Variants in CELF2 observed in about 807,000 individuals in gnomAD.
CELF2 encodes the protein CUG triplet repeat RNA-binding protein 2.
Under a neutral mutation model 62.6 loss-of-function variants are expected in CELF2, and 8 were observed. The ratio of observed to expected loss-of-function variants is 0.13; its 90% confidence interval spans 0.07 to 0.23. The LOEUF is 0.23. Among genes scored for constraint, CELF2 ranks in the 10% least tolerant of loss-of-function variants. The probability of loss-of-function intolerance (pLI) is 1.00; values close to 1 mark genes in which losing one functional copy is unlikely to be tolerated. For synonymous variants in CELF2, 258 were observed against 250.0 expected (o/e 1.03, Z -0.30); for missense variants, 333 against 671.0 (o/e 0.50, Z 5.56).
rs2093330384 is a variant in CELF2 at position 11,297,635 on chromosome 10, C to T, written c.976+9083C>T. 2.0e-5 allele frequency among the ~76,000 whole-genome samples: 3 copies of T among 152,118 alleles called. No individual in the cohort carries two copies. The highest frequency in any genetic ancestry group is 7.2e-5 in the African/African-American group (3 of 41,400). On this transcript the variant is annotated intron_variant, in intron 9 of 12. Transcript: ENST00000633077. This position sits in a 1 kb window ranked among gnomAD's most constrained non-coding sequence, Gnocchi z 4.4. ...GTTTTGCAGGCAGTGAGAGAGGACA[C>T]AATTCTATATGACATGTTCATGAAA...
At chr10:10,808,231 A>T (rs184835565) in intron 1 of CELF2, among the ~76,000 whole-genome samples, 9 of 152,342 alleles carry the variant, frequency 5.9e-5, no homozygotes, top group Admixed American at 2.6e-4. Flanking sequence ...CAGCATTGAG[A>T]TAGATCCTGG....
the CELF2 span, among the ~76,000 whole-genome samples, chr10:10,790,259 C>T: frequency 3.3e-5 from 5 of 151,908 alleles, no homozygotes; most frequent in South Asian, 4.1e-4. Flanking sequence ...TTTATATTCC[C>T]GTTATGTATT....
At chr10:10,612,404 C>T in the CELF2 span, among the ~76,000 whole-genome samples, 1 of 152,136 alleles carries the variant, frequency 6.6e-6, no homozygotes, top group Non-Finnish European at 1.5e-5. Context: ...TAACTGTGAG[C>T]TTAAGCATCC....
the CELF2 span, among the ~76,000 whole-genome samples, chr10:10,594,511 G>A: frequency 8.5e-5 from 13 of 152,152 alleles, no homozygotes; most frequent in African/African-American, 3.1e-4. Context: ...CAGAAGCAGA[G>A]AAAACTAAAA....
chr10:11,155,621 G>C (rs992225994), intron 1 of CELF2, among the ~76,000 whole-genome samples: 5 of 152,130 alleles, frequency 3.3e-5, no homozygotes, highest in African/African-American at 1.2e-4. Context: ...GAGTTTGAAG[G>C]CATTTTTGGG....
chr10:11,090,190 A>G (rs2047941860), intron 1 of CELF2, among the ~76,000 whole-genome samples: 1 of 142,518 alleles, frequency 7.0e-6, no homozygotes, highest in South Asian at 2.2e-4. Flanking sequence ...AATTTGGGGA[A>G]AAAAAAAAAA....
At chr10:11,030,579 T>A (rs1564441456) in intron 1 of CELF2, 2 of 152,256 alleles carry the variant, frequency 1.3e-5, no homozygotes, top group Non-Finnish European at 2.9e-5. Context: ...AGGTTGCAGC[T>A]CTGTTTCTCA....
intron 1 of CELF2, among the ~76,000 whole-genome samples, chr10:10,902,966 A>C (rs2063052974): frequency 6.6e-6 from 1 of 151,316 alleles, no homozygotes; most frequent in Admixed American, 6.6e-5. Context: ...AGGGAAGATA[A>C]GGAGAAGAAG....
At chr10:11,129,355 T>C (rs1372264379) in intron 1 of CELF2, among the ~76,000 whole-genome samples, 1 of 152,224 alleles carries the variant, frequency 6.6e-6, no homozygotes, top group Non-Finnish European at 1.5e-5. Context: ...TTGTTGTGTC[T>C]CTGCCAGGCT....
chr10:11,263,557 A>G (rs2081335414), intron 5 of CELF2, among the ~76,000 whole-genome samples: 1 of 152,226 alleles, frequency 6.6e-6, no homozygotes, highest in South Asian at 2.1e-4. Flanking sequence ...GGATCAGAGC[A>G]GTTGTCCTGT....
chr10:11,218,986 A>G (rs567477523), intron 3 of CELF2, among the ~76,000 whole-genome samples: 23 of 152,188 alleles, frequency 1.5e-4, no homozygotes, highest in Non-Finnish European at 2.8e-4. Context: ...CCCAAAGACC[A>G]CTTTGTATTT....
chr10:11,221,106 C>A (rs771995784), intron 3 of CELF2, among the ~76,000 whole-genome samples: 2 of 152,220 alleles, frequency 1.3e-5, no homozygotes, highest in Non-Finnish European at 2.9e-5. Context: ...GTGAGTGTAT[C>A]TGCACAGGCT....
chr10:10,790,487 G>T, the CELF2 span, among the ~76,000 whole-genome samples: 1 of 151,978 alleles, frequency 6.6e-6, no homozygotes, highest in Non-Finnish European at 1.5e-5. Flanking sequence ...TTCTGATAGA[G>T]TATAATACAT....
the CELF2 span, among the ~76,000 whole-genome samples, chr10:10,636,968 T>C: frequency 5.3e-5 from 8 of 152,210 alleles, 1 homozygote; most frequent in South Asian, 1.4e-3. Flanking sequence ...AACACATAAA[T>C]AAGACCAGCA....
intron 1 of CELF2, among the ~76,000 whole-genome samples, chr10:10,833,483 A>C (rs2058041131): frequency 6.6e-6 from 1 of 152,208 alleles, no homozygotes; most frequent in Non-Finnish European, 1.5e-5. Context: ...CTTGCTGTAA[A>C]TCAGTTAGAA....
chr10:10,631,372 C>G, the CELF2 span, among the ~76,000 whole-genome samples: 1 of 152,176 alleles, frequency 6.6e-6, no homozygotes, highest in Non-Finnish European at 1.5e-5. Flanking sequence ...GGGCTTGGAA[C>G]TAACCTTCCG....
At chr10:10,862,280 G>T (rs1299389431) in intron 1 of CELF2, among the ~76,000 whole-genome samples, 1 of 152,134 alleles carries the variant, frequency 6.6e-6, no homozygotes, top group Non-Finnish European at 1.5e-5. Flanking sequence ...GAACGTGGCT[G>T]GGCAGTAGTC....
rs141858930 is a variant in CELF2 at position 11,124,573 on chromosome 10, G to A, written c.75-40913G>A. Among the ~76,000 whole-genome samples the A allele has an allele frequency of 6.4e-3, 979 of 152,262 alleles. 31 individuals carry two copies. The highest frequency in any genetic ancestry group is 0.045 in the Admixed American group (683 of 15,286). On this transcript the variant is annotated intron_variant, in intron 1 of 12. Coordinates refer to ENST00000633077, the MANE Select transcript of CELF2 (RefSeq NM_001326342.2). ...TGTTTTAAATTTTCCAAAAATTGGA[G>A]ATCATTTGTGTCAGGTGAATGGGAA...
At chr10:10,958,099 T>C (rs1209560171) in intron 2 of CELF2, among the ~76,000 whole-genome samples, 1 of 152,110 alleles carries the variant, frequency 6.6e-6, no homozygotes, top group Non-Finnish European at 1.5e-5. Context: ...ACTAAAAGCG[T>C]GTATTGGTCT....
Sources: allele counts gnomAD v4.1 joint callset (sites outside exome capture counted in the v4.1 genomes callset), GRCh38; gene constraint gnomAD v4.1.1; non-coding constraint Gnocchi (gnomAD v3.1); transcripts MANE v1.5; gene names NCBI Gene and HGNC (gene_info 2026-07-23, HGNC 2026-07-21).